The following PTPRM variants were observed in gnomAD, a reference collection of about 807,000 sequenced individuals.
PTPRM encodes protein tyrosine phosphatase receptor type M, also known as receptor-type tyrosine-protein phosphatase mu.
A neutral mutation model predicts 186.7 loss-of-function variants in PTPRM; 47 were observed. That is an observed-to-expected ratio of 0.25 (90% CI 0.20 to 0.32). PTPRM has a LOEUF of 0.32. PTPRM is among the 10% of genes least tolerant of loss of function. The pLI, the probability that PTPRM is intolerant of heterozygous loss-of-function variation, is 1.00. For synonymous variants in PTPRM, 668 were observed against 674.9 expected (o/e 0.99, Z 0.16); for missense variants, 1,494 against 1,865.0 (o/e 0.80, Z 3.66).
At chr18:7,980,849 T>C (rs2082509557) in intron 7 of PTPRM, among the ~76,000 whole-genome samples, 1 of 152,170 alleles carries the variant, frequency 6.6e-6, no homozygotes, top group South Asian at 2.1e-4. Context: ...TGAGATTTCA[T>C]GTGTTGATCT....
At chr18:7,964,049 A>G (rs1271770690) in intron 7 of PTPRM, among the ~76,000 whole-genome samples, 1 of 152,114 alleles carries the variant, frequency 6.6e-6, no homozygotes, top group Non-Finnish European at 1.5e-5. Context: ...AAGAAAAAAA[A>G]TTATTGATGA....
At chr18:8,208,816 C>T (rs773439918) in intron 14 of PTPRM, among the ~76,000 whole-genome samples, 27 of 152,194 alleles carry the variant, frequency 1.8e-4, no homozygotes, top group Non-Finnish European at 3.2e-4. Flanking sequence ...CCTGCCAAGG[C>T]CTTACTTTTG....
At chr18:7,681,196 GAAT>G (rs56957619) in intron 1 of PTPRM, among the ~76,000 whole-genome samples, 2,952 of 151,382 alleles carry the variant, frequency 0.02, 93 homozygotes, top group African/African-American at 0.068. Flanking sequence ...GGAACTGCCT[GAAT>G]AATAATAATA....
At chr18:8,003,635 A>G (rs2084001382) in intron 7 of PTPRM, among the ~76,000 whole-genome samples, 2 of 152,346 alleles carry the variant, frequency 1.3e-5, no homozygotes, top group Middle Eastern at 3.4e-3. Context: ...CTAGGCAAAA[A>G]TAAAGTCATA....
chr18:8,378,771 G>A (rs957544695), intron 27 of PTPRM, among the ~76,000 whole-genome samples: 1 of 152,186 alleles, frequency 6.6e-6, no homozygotes, highest in Non-Finnish European at 1.5e-5. Flanking sequence ...CCATGGAAGT[G>A]TGTGTTCAGA....
intron 2 of PTPRM, among the ~76,000 whole-genome samples, chr18:7,862,661 G>A (rs2047453178): frequency 6.6e-6 from 1 of 152,184 alleles, no homozygotes; most frequent in Non-Finnish European, 1.5e-5. Flanking sequence ...TAACTTTGCT[G>A]TGGCTAGTTC....
intron 19 of PTPRM, among the ~76,000 whole-genome samples, chr18:8,291,739 A>G (rs1246945974): frequency 6.6e-6 from 1 of 152,196 alleles, no homozygotes; most frequent in African/African-American, 2.4e-5. Context: ...TGTGAAAAGG[A>G]ACATAATAGA....
At chr18:8,006,156 A>G (rs1321007136) in intron 7 of PTPRM, among the ~76,000 whole-genome samples, 2 of 152,348 alleles carry the variant, frequency 1.3e-5, no homozygotes, top group Non-Finnish European at 2.9e-5. Context: ...TGTTGTGGTT[A>G]GTAATTAAGA....
At chr18:7,811,094 C>T (rs749515842) in intron 2 of PTPRM, among the ~76,000 whole-genome samples, 9 of 152,020 alleles carry the variant, frequency 5.9e-5, no homozygotes, top group Non-Finnish European at 1.2e-4. Flanking sequence ...TGAAATAATC[C>T]TATAGGAAAT....
intron 30 of PTPRM, among the ~76,000 whole-genome samples, chr18:8,386,339 G>A (rs563888625): frequency 2.1e-4 from 32 of 152,084 alleles, no homozygotes; most frequent in Admixed American, 5.2e-4. Flanking sequence ...TTGAGCCTGG[G>A]GGCTTCTGTC....
chr18:7,676,688 T>TGTGCGC (rs567402218), intron 1 of PTPRM, among the ~76,000 whole-genome samples: 9 of 150,200 alleles, frequency 6.0e-5, no homozygotes, highest in Admixed American at 2.6e-4. Flanking sequence ...TGTGTGTGTG[T>TGTGCGC]GCGCGTGCAC....
At chr18:7,941,737 G>A (rs150845197) in intron 5 of PTPRM, among the ~76,000 whole-genome samples, 1 of 152,206 alleles carries the variant, frequency 6.6e-6, no homozygotes, top group Non-Finnish European at 1.5e-5. Context: ...CTGGTCGCTT[G>A]CATGTTTCTA....
chr18:8,154,237 C>T (rs1225675203), intron 14 of PTPRM, among the ~76,000 whole-genome samples: 3 of 152,136 alleles, frequency 2.0e-5, no homozygotes, highest in Admixed American at 1.3e-4. Context: ...GGAACTGCCT[C>T]GGGTGTGGAT....
At chr18:7,910,590 G>A (rs1174976584) in intron 4 of PTPRM, among the ~76,000 whole-genome samples, 3 of 152,130 alleles carry the variant, frequency 2.0e-5, no homozygotes, top group African/African-American at 7.2e-5. Context: ...CCATTCAGAG[G>A]CTGAAGTGAA....
At chr18:7,811,298 G>C (rs1416913093) in intron 2 of PTPRM, among the ~76,000 whole-genome samples, 1 of 152,118 alleles carries the variant, frequency 6.6e-6, no homozygotes, top group Non-Finnish European at 1.5e-5. Context: ...ATTTTGCCCT[G>C]GTTGCACAGT....
chr18:8,241,533 A>G (rs1288103517), intron 14 of PTPRM, among the ~76,000 whole-genome samples: 3 of 152,194 alleles, frequency 2.0e-5, no homozygotes, highest in Non-Finnish European at 2.9e-5. Flanking sequence ...TTATTTGACA[A>G]CACGTAAAAA....
intron 14 of PTPRM, among the ~76,000 whole-genome samples, chr18:8,161,127 T>C (rs1307572525): frequency 6.6e-6 from 1 of 152,196 alleles, no homozygotes; most frequent in Non-Finnish European, 1.5e-5. Flanking sequence ...TATTAAGATC[T>C]TCAAAATGAA....
intron 13 of PTPRM, among the ~76,000 whole-genome samples, chr18:8,135,772 A>G (rs565798): frequency 0.74 from 113,090 of 152,106 alleles, 42,577 homozygotes; most frequent in East Asian, 0.89. Flanking sequence ...TTGTGTGTGT[A>G]GTTCTTAGGC....
intron 7 of PTPRM, among the ~76,000 whole-genome samples, chr18:7,959,967 T>A (rs1231163578): frequency 6.6e-6 from 1 of 152,244 alleles, no homozygotes; most frequent in Non-Finnish European, 1.5e-5. Flanking sequence ...AGTTTGTGAT[T>A]TCTAATGTAT....
Sources: allele counts gnomAD v4.1 joint callset (sites outside exome capture counted in the v4.1 genomes callset), GRCh38; gene constraint gnomAD v4.1.1; transcripts MANE v1.5; gene names NCBI Gene and HGNC (gene_info 2026-07-23, HGNC 2026-07-21).